PODXL2: variants seen among roughly 807,000 people sequenced by gnomAD.
PODXL2 encodes the protein podocalyxin-like protein 2.
PODXL2 carries 17 observed loss-of-function variants against 53.4 expected under a neutral mutation model. That is an observed-to-expected ratio of 0.32 (90% CI 0.22 to 0.48). PODXL2 has a LOEUF of 0.48. Among genes scored for constraint, PODXL2 ranks in the 20% least tolerant of loss-of-function variants. PODXL2 has a pLI of 0.99. For synonymous variants in PODXL2, 311 were observed against 306.7 expected (o/e 1.01, Z -0.15); for missense variants, 673 against 760.0 (o/e 0.89, Z 1.35).
intron 4 of PODXL2, among the ~76,000 whole-genome samples, chr3:127,665,286 A>G (rs2074790270): frequency 6.6e-6 from 1 of 152,238 alleles, no homozygotes; most frequent in Admixed American, 6.5e-5. Flanking sequence ...AATGAAAGGA[A>G]TAAATGTGCA....
intron 4 of PODXL2, 73 bp downstream of exon 4, chr3:127,662,384 C>T: frequency 1.6e-6 from 2 of 1,223,000 alleles, no homozygotes; most frequent in Non-Finnish European, 2.4e-6. Context: ...AGAGGGCAGG[C>T]TGGGGGGACA....
chr3:127,668,529 G>T lies in PODXL2; in HGVS notation c.1295G>T (p.Trp432Leu). The T allele has an allele frequency of 6.3e-7, 1 of 1,581,684 alleles. No individual in the cohort carries two copies. The highest frequency in any genetic ancestry group is 8.6e-7 in the Non-Finnish European group (1 of 1,164,502). ...PRHGSGHHGA[W>L]HISLSKPSEK... ...CATGGCAGTGGCCACCATGGGGCCT[G>T]GCACATCTCTCTGAGCAAGCCCAGC... Residue 432 changes from tryptophan to leucine, a missense_variant, in exon 5 of 8, where the codon TGG becomes TTG. Transcript: ENST00000342480.
Position 127,639,235 on chromosome 3 carries a change from G to A in PODXL2, c.71-10G>A. On this transcript the variant is annotated splice_polypyrimidine_tract_variant and intron_variant, in intron 1 of 7. Coordinates refer to ENST00000342480, the MANE Select transcript of PODXL2 (RefSeq NM_015720.4). ...CCTCCCCTGACTGTCTGGCTTTTATGTCTGCACAGGAGCGTTCCTGGGTGC... is the reference window on the plus strand; with the variant it reads ...CCTCCCCTGACTGTCTGGCTTTTATATCTGCACAGGAGCGTTCCTGGGTGC... 1.3e-6 allele frequency: 2 copies of A among 1,579,444 alleles called. No homozygotes were observed. Among genetic ancestry groups the A allele is most frequent in the Non-Finnish European group, 1.7e-6 (2 of 1,165,074 alleles).
Position 127,671,488 on chromosome 3 carries a change from G to T in PODXL2, c.1480G>T (p.Val494Leu), listed in dbSNP as rs1018865020. ...TSSCQARASQ[V>L]RSDYGTLFVV... ...CAGCTGCCAGGCGCGGGCCAGCCAG[G>T]TGCGCAGCGACTACGGCACGCTCTT... Residue 494 changes from valine (V) to leucine (L), a missense_variant, in exon 7 of 8, where the codon GTG (valine) becomes TTG (leucine). Physicochemically the swap from Val to Leu is conservative, Grantham distance 32. Transcript: ENST00000342480. 6.2e-7 allele frequency: 1 copy of T among 1,614,020 alleles called. No individual in the cohort carries two copies. The highest frequency in any genetic ancestry group is 1.3e-5 in the African/African-American group (1 of 74,926).
rs1254136576 is a variant in PODXL2, at chr3:127,660,718, A to C, written c.690A>C (p.Ser230=). 1 of 1,614,116 alleles carries C rather than the reference A, an allele frequency of 6.2e-7. No individual in the cohort carries two copies. Among genetic ancestry groups the C allele is most frequent in the Non-Finnish European group, 8.5e-7 (1 of 1,180,004 alleles). The part of the protein sequence containing the change: ...SRHEDSGDQA[S]SGVEVESSMG... ...ATGAAGACTCCGGGGACCAGGCCTC[A>C]TCAGGTGTGGAGGTGGAGAGCAGCA... is the stretch of plus-strand genomic sequence containing the variant. The change falls in exon 3 of 8, where the codon TCA becomes TCC. Residue 230 remains serine, a synonymous_variant. Transcript: ENST00000342480.
chr3:127,671,312 C>T (rs1056656976), intron 6 of PODXL2, 122 bp from the exon 7 acceptor site: 10 of 846,946 alleles, frequency 1.2e-5, no homozygotes, highest in African/African-American at 1.7e-5. Flanking sequence ...CTTCAGGAGC[C>T]GGGAGTGCCA....
At chr3:127,671,369 C>T in intron 6 of PODXL2, 65 bp from the exon 7 acceptor site, 1 of 1,501,348 alleles carries the variant, frequency 6.7e-7, no homozygotes, top group Non-Finnish European at 9.2e-7. Context: ...CCCAATGCAA[C>T]CACCCCAGAG....
intron 1 of PODXL2, among the ~76,000 whole-genome samples, chr3:127,631,701 A>G (rs757745051): frequency 1.3e-5 from 2 of 152,244 alleles, no homozygotes; most frequent in Non-Finnish European, 2.9e-5. Flanking sequence ...GCTATGTCTC[A>G]GCTACTATTT....
intron 6 of PODXL2, 61 bp downstream of exon 6, chr3:127,669,263 T>TCA: frequency 8.4e-7 from 1 of 1,188,518 alleles, no homozygotes; most frequent in South Asian, 1.3e-5. Context: ...TCTCTGTTCC[T>TCA]CAAAGTCCCA....
intron 6 of PODXL2, among the ~76,000 whole-genome samples, chr3:127,669,686 C>T (rs1218330055): frequency 6.6e-6 from 1 of 152,208 alleles, no homozygotes; most frequent in East Asian, 1.9e-4. Flanking sequence ...CCAGGCCCTG[C>T]GCTCCTGCTG....
intron 2 of PODXL2, among the ~76,000 whole-genome samples, chr3:127,651,417 C>G (rs978816308): frequency 3.3e-5 from 5 of 152,214 alleles, no homozygotes; most frequent in African/African-American, 4.8e-5. Flanking sequence ...TACATTGTTT[C>G]CTCTGAAGGC....
At chr3:127,666,553 G>A (rs1250096595) in intron 4 of PODXL2, among the ~76,000 whole-genome samples, 1 of 152,142 alleles carries the variant, frequency 6.6e-6, no homozygotes. Flanking sequence ...GACCACAGAT[G>A]TGCACCACCA....
chr3:127,662,403 G>T, intron 4 of PODXL2, 92 bp downstream of exon 4: 3 of 919,598 alleles, frequency 3.3e-6, no homozygotes, highest in Non-Finnish European at 5.1e-6. Flanking sequence ...CAAGCAGTGC[G>T]TGGGAGAAGG....
chr3:127,662,160 C>T, intron 3 of PODXL2, 77 bp from the exon 4 acceptor site: 1 of 1,315,566 alleles, frequency 7.6e-7, no homozygotes, highest in South Asian at 1.2e-5. Flanking sequence ...CCCAAAAGGC[C>T]TCCGACCGGG....
At chr3:127,668,136 G>A (rs981830878) in intron 4 of PODXL2, among the ~76,000 whole-genome samples, 9 of 141,224 alleles carry the variant, frequency 6.4e-5, no homozygotes, top group Non-Finnish European at 8.0e-5. Flanking sequence ...GTGTGTGTGT[G>A]TGTGTGTCCC....
intron 1 of PODXL2, among the ~76,000 whole-genome samples, chr3:127,638,012 G>A (rs2074589068): frequency 6.6e-6 from 1 of 151,598 alleles, no homozygotes; most frequent in African/African-American, 2.4e-5. Context: ...CTGGTGTAGA[G>A]CAAGAGGAAG....
At chr3:127,640,296 A>G (rs182325308) in intron 2 of PODXL2, among the ~76,000 whole-genome samples, 1 of 152,220 alleles carries the variant, frequency 6.6e-6, no homozygotes, top group Admixed American at 6.5e-5. Context: ...ACAGAACTTA[A>G]CCTTTAATTT....
At chr3:127,651,002 C>T (rs1429519358) in intron 2 of PODXL2, among the ~76,000 whole-genome samples, 2 of 152,198 alleles carry the variant, frequency 1.3e-5, no homozygotes, top group South Asian at 2.1e-4. Context: ...CGATGGCTCA[C>T]ACCCGTAATC....
At chr3:127,637,947 T>C (rs2074588746) in intron 1 of PODXL2, among the ~76,000 whole-genome samples, 1 of 152,234 alleles carries the variant, frequency 6.6e-6, no homozygotes, top group African/African-American at 2.4e-5. Context: ...ATTTTTATTA[T>C]AAGCATCACT....
Sources: gnomAD v4.1 joint callset for allele counts (sites outside exome capture counted in the v4.1 genomes callset) on GRCh38, gnomAD v4.1.1 for gene constraint, MANE v1.5 for transcripts, NCBI Gene and HGNC (gene_info 2026-07-23, HGNC 2026-07-21) for gene names.